Variants in CLSTN2 observed in about 807,000 individuals in gnomAD.
CLSTN2 encodes the protein calsyntenin 2, also known as calsyntenin-2.
In CLSTN2, 48 loss-of-function variants were observed where a neutral mutation model predicts 101.2. The ratio of observed to expected loss-of-function variants is 0.47; its 90% confidence interval spans 0.38 to 0.60. The LOEUF is 0.60. Ranked by LOEUF, CLSTN2 falls within the 20% of genes least tolerant of loss-of-function variation. The probability of loss-of-function intolerance (pLI) is 0.00; values close to 1 mark genes in which losing one functional copy is unlikely to be tolerated. For missense variants in CLSTN2, 1,160 were observed against 1,238.2 expected, an observed-to-expected ratio of 0.94 and a Z score of 0.95; for synonymous variants, 481 against 463.6, an observed-to-expected ratio of 1.04 and a Z score of -0.48.
chr3:140,290,163 TCAGAACAC>T (rs2086934729), intron 2 of CLSTN2, among the ~76,000 whole-genome samples: 1 of 152,076 alleles, frequency 6.6e-6, no homozygotes, highest in Non-Finnish European at 1.5e-5. Flanking sequence ...TGGAGTTATC[TCAGAACAC>T]CCATTTCGAT....
intron 2 of CLSTN2, among the ~76,000 whole-genome samples, chr3:140,324,660 G>T (rs1415826699): frequency 6.6e-6 from 1 of 152,104 alleles, no homozygotes; most frequent in African/African-American, 2.4e-5. Context: ...TAAAGCAATG[G>T]TGCTTAGCCT....
At chr3:140,094,619 A>C (rs2107787282) in intron 1 of CLSTN2, among the ~76,000 whole-genome samples, 1 of 152,332 alleles carries the variant, frequency 6.6e-6, no homozygotes, top group African/African-American at 2.4e-5. Context: ...AACTCTTTCT[A>C]ATTTAAAAAT....
chr3:140,475,656 T>C (rs1418403967), intron 8 of CLSTN2, among the ~76,000 whole-genome samples: 1 of 152,228 alleles, frequency 6.6e-6, no homozygotes, highest in Non-Finnish European at 1.5e-5. Context: ...AAATCAAAGA[T>C]GCTAATGATT....
At chr3:140,206,198 G>A (rs1282291855) in intron 2 of CLSTN2, among the ~76,000 whole-genome samples, 2 of 152,188 alleles carry the variant, frequency 1.3e-5, no homozygotes, top group African/African-American at 2.4e-5. Context: ...GTATTATCTG[G>A]CACTGGAGTC....
At position 140,431,688 on chromosome 3, in the gene CLSTN2, AACCCCAC is replaced by A. The variant is rs1442240123; in HGVS notation, c.787+10417_787+10423del. ...TTCCCTTTCCTAAGCATATGCCCTG[AACCCCAC>A]ACAGGGGTAGGTGATGGGGGAATGG... On this transcript the variant is annotated intron_variant, in intron 5 of 16. Coordinates refer to ENST00000458420, the MANE Select transcript of CLSTN2 (RefSeq NM_022131.3). Among the ~76,000 whole-genome samples the A allele has an allele frequency of 3.9e-5, 6 of 152,246 alleles. No individual in the cohort carries two copies. In the East Asian group the frequency reaches 1.2e-3, roughly 29 times the overall value.
At chr3:140,470,187 C>T (rs974601431) in intron 8 of CLSTN2, among the ~76,000 whole-genome samples, 2 of 152,256 alleles carry the variant, frequency 1.3e-5, no homozygotes, top group Non-Finnish European at 2.9e-5. Flanking sequence ...ATTCTGAGCA[C>T]AAACTGTGCT....
chr3:140,194,116 A>T (rs897741742), intron 2 of CLSTN2, among the ~76,000 whole-genome samples: 2 of 152,158 alleles, frequency 1.3e-5, no homozygotes, highest in Admixed American at 1.3e-4. Context: ...TCAATATCTT[A>T]GTCCATTTAG....
At chr3:139,970,420 G>A (rs1052141739) in intron 1 of CLSTN2, among the ~76,000 whole-genome samples, 5 of 152,184 alleles carry the variant, frequency 3.3e-5, no homozygotes, top group African/African-American at 4.8e-5. Context: ...CTTGGACAGA[G>A]GAGGTGCTCA....
At chr3:140,010,189 G>A (rs1055641539) in intron 1 of CLSTN2, among the ~76,000 whole-genome samples, 3 of 152,200 alleles carry the variant, frequency 2.0e-5, no homozygotes, top group African/African-American at 7.2e-5. Flanking sequence ...ACTGTTTGCG[G>A]TAGGAAACTT....
At chr3:140,226,133 CA>C (rs2086317960) in intron 2 of CLSTN2, among the ~76,000 whole-genome samples, 1 of 152,116 alleles carries the variant, frequency 6.6e-6, no homozygotes, top group Non-Finnish European at 1.5e-5. Context: ...AGCCTACATA[CA>C]TGCTGCATGA....
intron 2 of CLSTN2, among the ~76,000 whole-genome samples, chr3:140,390,519 C>A (rs1488324708): frequency 6.6e-6 from 1 of 152,150 alleles, no homozygotes; most frequent in Admixed American, 6.5e-5. Flanking sequence ...TATGTCCCAG[C>A]ATATGGTCTT....
chr3:140,348,908 T>TCC (rs959942064), intron 2 of CLSTN2, among the ~76,000 whole-genome samples: 10 of 152,216 alleles, frequency 6.6e-5, no homozygotes, highest in Admixed American at 6.5e-4. Context: ...ACAAATAGAA[T>TCC]CCCCATGACT....
At chr3:140,281,463 T>C (rs932876170) in intron 2 of CLSTN2, among the ~76,000 whole-genome samples, 1 of 152,178 alleles carries the variant, frequency 6.6e-6, no homozygotes, top group Admixed American at 6.5e-5. Context: ...TTCTCACTTA[T>C]GGTGGAGCAG....
At chr3:140,369,307 T>C (rs887524139) in intron 2 of CLSTN2, among the ~76,000 whole-genome samples, 5 of 152,242 alleles carry the variant, frequency 3.3e-5, no homozygotes, top group African/African-American at 4.8e-5. Context: ...GCAGTCATTA[T>C]AAGTCAACAA....
At chr3:140,025,802 G>A (rs188837842) in intron 1 of CLSTN2, among the ~76,000 whole-genome samples, 83 of 152,314 alleles carry the variant, frequency 5.4e-4, no homozygotes, top group Admixed American at 4.8e-3. Flanking sequence ...TATGGGATGA[G>A]GATAGACTTG....
chr3:140,453,437 C>A (rs766796396), intron 6 of CLSTN2, among the ~76,000 whole-genome samples: 1 of 152,184 alleles, frequency 6.6e-6, no homozygotes, highest in Non-Finnish European at 1.5e-5. Flanking sequence ...TCATTCACTC[C>A]TGCACAAATT....
At chr3:139,973,498 G>C (rs1935753104) in intron 1 of CLSTN2, among the ~76,000 whole-genome samples, 1 of 152,150 alleles carries the variant, frequency 6.6e-6, no homozygotes, top group Admixed American at 6.6e-5. Context: ...TTGTCCTCAA[G>C]AACAAGGGCC....
At chr3:139,945,804 T>G (rs115794642) in intron 1 of CLSTN2, among the ~76,000 whole-genome samples, 1,686 of 152,352 alleles carry the variant, frequency 0.011, 27 homozygotes, top group African/African-American at 0.038. Flanking sequence ...GTTTGATTTA[T>G]TATTTTAATA....
intron 2 of CLSTN2, among the ~76,000 whole-genome samples, chr3:140,204,684 C>T (rs2010757823): frequency 6.6e-6 from 1 of 151,986 alleles, no homozygotes; most frequent in African/African-American, 2.4e-5. Flanking sequence ...CTCCAATATG[C>T]CCAAATGTCC....
Sources: allele counts gnomAD v4.1 joint callset (sites outside exome capture counted in the v4.1 genomes callset), GRCh38; gene constraint gnomAD v4.1.1; transcripts MANE v1.5; gene names NCBI Gene and HGNC (gene_info 2026-07-23, HGNC 2026-07-21).